Variants in PCF11 observed in about 807,000 individuals in gnomAD.
PCF11 encodes the protein PCF11 cleavage and polyadenylation factor subunit, also known as pre-mRNA cleavage complex 2 protein Pcf11.
A neutral mutation model predicts 166.1 loss-of-function variants in PCF11; 19 were observed. That is an observed-to-expected ratio of 0.11 (90% CI 0.08 to 0.17). The LOEUF (loss-of-function observed/expected upper bound fraction) is 0.17, where lower values mean the gene tolerates loss of function less well. Ranked by LOEUF, PCF11 falls within the 10% of genes least tolerant of loss-of-function variation. The pLI, the probability that PCF11 is intolerant of heterozygous loss-of-function variation, is 1.00. For missense variants in PCF11, 1,565 were observed against 1,855.5 expected (o/e 0.84, Z 2.88); for synonymous variants, 663 against 644.1 (o/e 1.03, Z -0.44).
chr11:83,181,276 A>T (rs1025233185), intron 12 of PCF11, 85 bp downstream of exon 12: 135 of 431,366 alleles, frequency 3.1e-4, no homozygotes, highest in Non-Finnish European at 3.7e-4. Context: ...AATTATTAAA[A>T]TTTAATTTTA....
At chr11:83,158,620 C>G (rs1460764284) in intron 1 of PCF11, 1 of 152,190 alleles carries the variant, frequency 6.6e-6, no homozygotes, top group Non-Finnish European at 1.5e-5. Context: ...GTTTTAATAG[C>G]GTCCCAGTGC....
At chr11:83,181,937 G>A (rs1861100479) in exon 13 of PCF11, 1 of 1,612,492 alleles carries the variant, frequency 6.2e-7, no homozygotes, top group Non-Finnish European at 8.5e-7. Flanking sequence ...AAGAAGTTGT[G>A]CTCAAAACTC....
chr11:83,158,421 T>C (rs1168933893), intron 1 of PCF11: 1 of 152,134 alleles, frequency 6.6e-6, no homozygotes. Context: ...CTCTGAAAAG[T>C]TCAGTCCCTC....
chr11:83,182,926 A>C lies in PCF11; in HGVS notation c.4417-112A>C, dbSNP rs140233092. ...GTTTTATCCATTTTGGGACCAAATA[A>C]TTTTTGTCTTCTTTCCAAAGACTAT... On this transcript the variant is annotated intron_variant, in intron 14 of 15. Coordinates refer to ENST00000298281, the Ensembl canonical transcript of PCF11. 4.1e-4 allele frequency: 306 copies of C among 738,098 alleles called. No homozygotes were observed. The East Asian group carries it at 7.6e-3, about 18-fold the overall frequency. 45.7% of individuals were successfully genotyped at this position (738,098 alleles called of 1,614,324 possible).
intron 12 of PCF11, 32 bp from the exon 13 acceptor site, chr11:83,181,822 G>C: frequency 6.6e-7 from 1 of 1,508,080 alleles, no homozygotes; most frequent in Admixed American, 2.2e-5. Flanking sequence ...GAAATAAATG[G>C]AATAATCTTT....
Position 83,179,394 on chromosome 11 carries a change from C to A in PCF11, c.3983+1575C>A, listed in dbSNP as rs1590937488. On this transcript the variant is annotated intron_variant, in intron 11 of 15. Transcript: ENST00000298281. ...CCTCCTGAGTAGCTAAGATTATAGG[C>A]ACCCATCACCACGCCCAGCTAATTT... Among the ~76,000 whole-genome samples the A allele has an allele frequency of 5.3e-5, 8 of 152,000 alleles. No individual in the cohort carries two copies. The East Asian group carries it at 1.6e-3, about 30-fold the overall frequency.
At position 83,167,580 on chromosome 11, in the gene PCF11, T is replaced by C; in HGVS notation, c.2092+75T>C. The C allele has an allele frequency of 6.4e-7, 1 of 1,553,832 alleles. No individual in the cohort carries two copies. Among genetic ancestry groups the C allele is most frequent in the East Asian group, 2.4e-5 (1 of 41,640 alleles). On this transcript the variant is annotated intron_variant, in intron 7 of 15. Coordinates refer to ENST00000298281, the Ensembl canonical transcript of PCF11. This position sits in a 1 kb window ranked among gnomAD's most constrained non-coding sequence, Gnocchi z 4.2. ...TGGATTAAAAAAGAAACCTCTCTTA[T>C]CTGATGCTGAATTAACCTACTATGA...
chr11:83,166,075 G>A (rs1226897885), exon 5 of PCF11: 1 of 1,610,118 alleles, frequency 6.2e-7, no homozygotes, highest in Non-Finnish European at 8.5e-7. Context: ...GAAAGTATGA[G>A]GTTGTCTGAT....
At chr11:83,157,338 G>A in exon 1 of PCF11, 1 of 1,086,638 alleles carries the variant, frequency 9.2e-7, no homozygotes, top group Non-Finnish European at 1.3e-6. Flanking sequence ...AGCCGGAGCC[G>A]CGAGAGAGCC....
At chr11:83,157,425 G>T in exon 1 of PCF11, 1 of 1,603,722 alleles carries the variant, frequency 6.2e-7, no homozygotes, top group Non-Finnish European at 8.5e-7. Context: ...GACCTCGGAG[G>T]GGGGCCGCGG....
chr11:83,157,666 A>T, intron 1 of PCF11, 35 bp downstream of exon 1: 1 of 1,573,394 alleles, frequency 6.4e-7, no homozygotes, highest in Non-Finnish European at 8.7e-7. Flanking sequence ...TATTACTTCT[A>T]ATACTCCCTG....
chr11:83,162,651 TAATA>T (rs771240834), intron 2 of PCF11, among the ~76,000 whole-genome samples: 3 of 152,254 alleles, frequency 2.0e-5, no homozygotes, highest in African/African-American at 2.4e-5. Context: ...AATGACCTTG[TAATA>T]AATACATTAT....
chr11:83,162,955 G>T (rs1350476226), intron 2 of PCF11, among the ~76,000 whole-genome samples: 2 of 152,072 alleles, frequency 1.3e-5, no homozygotes, highest in African/African-American at 4.8e-5. Flanking sequence ...TGTATTTTTA[G>T]TAAAGACGGG....
At chr11:83,160,321 G>GTTTTTTTT (rs35201107) in intron 1 of PCF11, among the ~76,000 whole-genome samples, 28 of 91,280 alleles carry the variant, frequency 3.1e-4, no homozygotes, top group Non-Finnish European at 4.3e-4. Flanking sequence ...GATAACCTAA[G>GTTTTTTTT]TTTTTTTTTT....
exon 5 of PCF11, chr11:83,166,292 A>G (rs1860454800): frequency 6.2e-7 from 1 of 1,613,606 alleles, no homozygotes; most frequent in East Asian, 2.2e-5. Context: ...AAGAGTCAGA[A>G]AAACAGGGGA....
At chr11:83,179,685 C>T (rs1861018754) in intron 11 of PCF11, among the ~76,000 whole-genome samples, 2 of 151,910 alleles carry the variant, frequency 1.3e-5, no homozygotes, top group Non-Finnish European at 2.9e-5. Context: ...GGGCAGATCA[C>T]CTGAGGTCAG....
chr11:83,157,382 G>T (rs1409222373), exon 1 of PCF11: 48 of 1,479,534 alleles, frequency 3.2e-5, no homozygotes, highest in South Asian at 8.0e-5. Context: ...GGGAGGCGGG[G>T]TATCCAGAGC....
intron 11 of PCF11, among the ~76,000 whole-genome samples, chr11:83,178,772 CA>C (rs1481889269): frequency 6.6e-6 from 1 of 150,678 alleles, no homozygotes; most frequent in Non-Finnish European, 1.5e-5. Flanking sequence ...GAGATAACGC[CA>C]CTGCACTCCA....
Position 83,167,780 on chromosome 11 carries a change from A to C in PCF11, c.2092+275A>C, listed in dbSNP as rs1292425299. 7.1e-7 allele frequency: 1 copy of C among 1,401,770 alleles called. No homozygotes were observed. Among genetic ancestry groups the C allele is most frequent in the African/African-American group, 1.4e-5 (1 of 69,940 alleles). 86.8% of individuals were successfully genotyped at this position (1,401,770 alleles called of 1,614,324 possible). ...ATAGTGGAGCACAGTTTGACAGAAAAGAACAATTTAGTGAAAGAGCAAGAC... is the reference window on the plus strand; with the variant it reads ...ATAGTGGAGCACAGTTTGACAGAAACGAACAATTTAGTGAAAGAGCAAGAC... On this transcript the variant is annotated intron_variant, in intron 7 of 15. Coordinates refer to ENST00000298281, the Ensembl canonical transcript of PCF11. This position sits in a 1 kb window ranked among gnomAD's most constrained non-coding sequence, Gnocchi z 4.2.
Sources: gnomAD v4.1 joint callset for allele counts (sites outside exome capture counted in the v4.1 genomes callset) on GRCh38, gnomAD v4.1.1 for gene constraint, Gnocchi (gnomAD v3.1) non-coding constraint, MANE v1.5 for transcripts, NCBI Gene and HGNC (gene_info 2026-07-23, HGNC 2026-07-21) for gene names.